PCDHGA5: variants seen among roughly 807,000 people sequenced by gnomAD.
PCDHGA5 encodes protocadherin gamma subfamily A, 5.
Under a neutral mutation model 56.7 loss-of-function variants are expected in PCDHGA5, and 36 were observed. The observed-to-expected ratio is 0.64, with a 90% confidence interval of 0.49 to 0.84. The LOEUF is 0.84. PCDHGA5 is among the 40% of genes least tolerant of loss of function. The pLI, the probability that PCDHGA5 is intolerant of heterozygous loss-of-function variation, is 0.00. For missense variants in PCDHGA5, 1,305 were observed against 1,201.5 expected, an observed-to-expected ratio of 1.09 and a Z score of -1.27; for synonymous variants, 563 against 520.2, an observed-to-expected ratio of 1.08 and a Z score of -1.12.
At chr5:141,414,241 C>T in intron 1 of PCDHGA5, 1 of 1,613,472 alleles carries the variant, frequency 6.2e-7, no homozygotes, top group Non-Finnish European at 8.5e-7. Context: ...CATCACGTCT[C>T]TATTTAGTCC....
In PCDHGA5 at chr5:141,364,432, G is replaced by C. The variant is rs763376851; in HGVS notation, c.102G>C (p.Ser34=). ...CEPGSGQIRY[S]MPEELDKGSF... The stretch of plus-strand genomic sequence containing the variant: ...CAGGATCCGGGCAGATCCGCTACTC[G>C]ATGCCGGAGGAGCTGGACAAAGGCT... Residue 34 remains serine (S), a synonymous_variant, in exon 1 of 4, where the codon TCG becomes TCC. Coordinates refer to ENST00000518069, the MANE Select transcript of PCDHGA5 (RefSeq NM_018918.3). The C allele has an allele frequency of 1.9e-6, 3 of 1,613,796 alleles. No homozygotes were observed. The highest frequency in any genetic ancestry group is 8.5e-7 in the Non-Finnish European group (1 of 1,179,760).
At chr5:141,419,017 A>G (rs1478763916) in intron 1 of PCDHGA5, 4 of 1,613,928 alleles carry the variant, frequency 2.5e-6, no homozygotes, top group Non-Finnish European at 3.4e-6. Flanking sequence ...GGTGTAGCTT[A>G]AGTAGAGGTG....
chr5:141,377,605 C>CAAAAAA (rs71576112), intron 1 of PCDHGA5: 1 of 140,678 alleles, frequency 7.1e-6, no homozygotes. Flanking sequence ...CTCTCTCTCT[C>CAAAAAA]AAAAAAAAAA....
chr5:141,408,077 G>A, intron 1 of PCDHGA5: 2 of 1,408,130 alleles, frequency 1.4e-6, no homozygotes, highest in South Asian at 3.0e-5. Context: ...ACCTTTCCCA[G>A]CACAGCGGAT....
intron 1 of PCDHGA5, chr5:141,427,874 G>A: frequency 1.3e-6 from 2 of 1,560,274 alleles, no homozygotes; most frequent in South Asian, 2.2e-5. Flanking sequence ...AGCTCACGAT[G>A]CAGGCCCACG....
chr5:141,403,390 G>C (rs1471861396), intron 1 of PCDHGA5: 2 of 1,613,920 alleles, frequency 1.2e-6, no homozygotes, highest in Admixed American at 1.7e-5. Flanking sequence ...ACGAAATCGC[G>C]GTTCCTGGAG....
chr5:141,490,891 C>A lies in PCDHGA5; in HGVS notation c.2422-3916C>A, dbSNP rs1462296497. The A allele has an allele frequency of 6.2e-7, 1 of 1,613,204 alleles. No homozygotes were observed. Among genetic ancestry groups the A allele is most frequent in the Non-Finnish European group, 8.5e-7 (1 of 1,179,262 alleles). On this transcript the variant is annotated intron_variant, in intron 1 of 3. Transcript: ENST00000518069. This position sits in a 1 kb window ranked among gnomAD's most constrained non-coding sequence, Gnocchi z 5.4. ...CCCATTGCATGCCAACACATCTCTGCATGTGTTTGTCCTAGACGAGAATGA... is the reference window on the plus strand; with the variant it reads ...CCCATTGCATGCCAACACATCTCTGAATGTGTTTGTCCTAGACGAGAATGA...
At chr5:141,464,580 G>A (rs1459502164) in intron 1 of PCDHGA5, among the ~76,000 whole-genome samples, 1 of 152,118 alleles carries the variant, frequency 6.6e-6, no homozygotes, top group East Asian at 1.9e-4. Context: ...AGATGAGAAT[G>A]TCCATTGTCC....
chr5:141,507,631 C>A (rs1435446169), intron 3 of PCDHGA5, among the ~76,000 whole-genome samples: 1 of 152,236 alleles, frequency 6.6e-6, no homozygotes, highest in Non-Finnish European at 1.5e-5. Context: ...TGTGGCCTTG[C>A]GCCCTGAGGC....
chr5:141,399,091 G>A (rs1299050213), intron 1 of PCDHGA5: 2 of 1,613,762 alleles, frequency 1.2e-6, no homozygotes, highest in South Asian at 1.1e-5. Context: ...GGATGGTGGT[G>A]GACTGGTTGC....
chr5:141,482,500 G>T (rs1409735210), intron 1 of PCDHGA5, among the ~76,000 whole-genome samples: 1 of 133,788 alleles, frequency 7.5e-6, no homozygotes, highest in Non-Finnish European at 1.5e-5. Flanking sequence ...TATCATTCTG[G>T]TACCCAGAGT....
chr5:141,388,941 C>G, intron 1 of PCDHGA5: 1 of 1,613,962 alleles, frequency 6.2e-7, no homozygotes, highest in South Asian at 1.1e-5. Context: ...TCTACCCAAC[C>G]TAATTATGGA....
Position 141,366,451 on chromosome 5 carries a change from C to A in PCDHGA5, c.2121C>A (p.Phe707Leu), listed in dbSNP as rs372498112. The change falls in exon 1 of 4, where the codon TTC becomes TTA. Residue 707 changes from phenylalanine (F) to leucine (L), a missense_variant. Phe to Leu is a conservative substitution (Grantham distance 22). Transcript: ENST00000518069. The part of the protein sequence containing the change: ...VAAVSCVFLA[F>L]VIVLLVLRLR... Reference sequence around the variant, plus strand: ...CAGTCTCCTGCGTCTTCCTGGCCTTCGTCATCGTGCTGCTGGTGCTCAGAC... The same window carrying A: ...CAGTCTCCTGCGTCTTCCTGGCCTTAGTCATCGTGCTGCTGGTGCTCAGAC... The A allele has an allele frequency of 5.0e-6, 8 of 1,614,110 alleles. No individual in the cohort carries two copies. Among genetic ancestry groups the A allele is most frequent in the Non-Finnish European group, 6.8e-6 (8 of 1,180,058 alleles).
At chr5:141,371,875 G>T in intron 1 of PCDHGA5, 1 of 1,613,506 alleles carries the variant, frequency 6.2e-7, no homozygotes, top group Non-Finnish European at 8.5e-7. Context: ...ATCGTGGCCA[G>T]TGACCTGGAG....
chr5:141,463,308 A>G (rs1233755540), intron 1 of PCDHGA5, among the ~76,000 whole-genome samples: 1 of 151,660 alleles, frequency 6.6e-6, no homozygotes, highest in Admixed American at 6.6e-5. Context: ...CCAAACTCTA[A>G]TATCTATTCC....
chr5:141,483,648 TTGTG>T (rs111458813), intron 1 of PCDHGA5, among the ~76,000 whole-genome samples: 10 of 149,592 alleles, frequency 6.7e-5, no homozygotes, highest in Non-Finnish European at 1.0e-4. Flanking sequence ...GGGTGTGTGT[TTGTG>T]TGTGTGTGTG....
At chr5:141,427,773 C>T (rs1285483564) in intron 1 of PCDHGA5, 1 of 1,414,460 alleles carries the variant, frequency 7.1e-7, no homozygotes, top group Non-Finnish European at 9.9e-7. Flanking sequence ...CTTGGAGCTG[C>T]GGGCACTGTC....
At chr5:141,372,615 C>A (rs1244865693) in intron 1 of PCDHGA5, 1 of 1,613,850 alleles carries the variant, frequency 6.2e-7, no homozygotes, top group African/African-American at 1.3e-5. Context: ...TGGAGTTCTC[C>A]CCACCTACAG....
rs772052592 is a variant in PCDHGA5, at chr5:141,385,040, T to C, written c.2421+18289T>C. 6.2e-6 allele frequency: 10 copies of C among 1,614,040 alleles called. No individual in the cohort carries two copies. In the South Asian group the frequency reaches 9.9e-5, roughly 16 times the overall value. On this transcript the variant is annotated intron_variant, in intron 1 of 3. Coordinates refer to ENST00000518069, the MANE Select transcript of PCDHGA5 (RefSeq NM_018918.3). The stretch of plus-strand genomic sequence containing the variant: ...GCCTTCGTCCTCGTACTGCTGGCGC[T>C]CAGGCTGCGGCGCTGGCACAAGTCA...
Sources: allele counts gnomAD v4.1 joint callset (sites outside exome capture counted in the v4.1 genomes callset), GRCh38; gene constraint gnomAD v4.1.1; non-coding constraint Gnocchi (gnomAD v3.1); transcripts MANE v1.5; gene names NCBI Gene and HGNC (gene_info 2026-07-23, HGNC 2026-07-21).